HNF1B: variants seen among roughly 807,000 people sequenced by gnomAD.
HNF1B encodes the protein hepatocyte nuclear factor 1-beta.
Under a neutral mutation model 61.7 loss-of-function variants are expected in HNF1B, and 8 were observed. The observed-to-expected ratio is 0.13, with a 90% confidence interval of 0.08 to 0.23. The LOEUF is 0.23. HNF1B is among the 10% of genes least tolerant of loss of function. The pLI, the probability that HNF1B is intolerant of heterozygous loss-of-function variation, is 1.00. For synonymous variants in HNF1B, 314 were observed against 287.7 expected (o/e 1.09, Z -0.93); for missense variants, 562 against 714.5 (o/e 0.79, Z 2.43).
chr17:37,711,895 G>A (rs564452212), intron 4 of HNF1B, among the ~76,000 whole-genome samples: 1 of 152,202 alleles, frequency 6.6e-6, no homozygotes, highest in East Asian at 1.9e-4. Context: ...CCTAGCTAGA[G>A]CCCCACCTTC....
At chr17:37,723,453 T>C (rs995711750) in intron 4 of HNF1B, among the ~76,000 whole-genome samples, 2 of 152,210 alleles carry the variant, frequency 1.3e-5, no homozygotes, top group African/African-American at 4.8e-5. Context: ...TCCTGCTACA[T>C]GGTCATGACC....
At chr17:37,720,856 G>A in intron 4 of HNF1B, 1 of 985,272 alleles carries the variant, frequency 1.0e-6, no homozygotes, top group Non-Finnish European at 1.2e-6. Context: ...TTTACAGGTA[G>A]GGATGCAAAC....
intron 4 of HNF1B, among the ~76,000 whole-genome samples, chr17:37,724,969 A>T (rs1429135347): frequency 6.6e-6 from 1 of 151,122 alleles, no homozygotes; most frequent in Non-Finnish European, 1.5e-5. Flanking sequence ...ATGTATGTAT[A>T]TTTCTCTCTC....
Position 37,739,477 on chromosome 17 carries a change from G to A in HNF1B, c.507C>T (p.Tyr169=), listed in dbSNP as rs751900987. Residue 169 remains tyrosine, a synonymous_variant, in exon 2 of 9, where the codon TAC becomes TAT. Coordinates refer to ENST00000617811, the MANE Select transcript of HNF1B (RefSeq NM_000458.4). ...CTCGTTGCTTTCTGACGTACCAGGT[G>A]TACAGAGCGGCACGCTTCTGGGTCT... ...PMKTQKRAAL[Y]TWYVRKQREI... is the part of the protein sequence containing the mutation. 1.2e-6 allele frequency: 2 copies of A among 1,614,166 alleles called. No individual in the cohort carries two copies. The highest frequency in any genetic ancestry group is 1.1e-5 in the South Asian group (1 of 91,084).
chr17:37,708,974 A>T (rs960048367), intron 5 of HNF1B, among the ~76,000 whole-genome samples: 1 of 152,026 alleles, frequency 6.6e-6, no homozygotes, highest in East Asian at 1.9e-4. Context: ...ACACGTCAAG[A>T]TCTAAAATGG....
At position 37,733,632 on chromosome 17, in the gene HNF1B, A is replaced by G; in HGVS notation, c.734T>C (p.Ile245Thr). 6.2e-7 allele frequency: 1 copy of G among 1,613,788 alleles called. No individual in the cohort carries two copies. Among genetic ancestry groups the G allele is most frequent in the Non-Finnish European group, 8.5e-7 (1 of 1,180,004 alleles). Reference sequence around the variant, plus strand: ...TTGCCGATCGTAGGCCTGGTACAAGATTTGCTGGGACGCGGGCCCCCATTT... The same window carrying G: ...TTGCCGATCGTAGGCCTGGTACAAGGTTTGCTGGGACGCGGGCCCCCATTT... ...RFKWGPASQQ[I>T]LYQAYDRQKN... The change falls in exon 3 of 9, where the codon ATC becomes ACC. Residue 245 changes from isoleucine to threonine, a missense_variant. Physicochemically the swap from Ile to Thr is moderately conservative, Grantham distance 89. This residue lies in a region of HNF1B where 54 missense variants were observed against 122.1 expected (regional missense o/e 0.44). Coordinates refer to ENST00000617811, the MANE Select transcript of HNF1B (RefSeq NM_000458.4).
Position 37,710,673 on chromosome 17 carries a change from A to G in HNF1B, c.1046-10T>C. 6.2e-7 allele frequency: 1 copy of G among 1,612,596 alleles called. No individual in the cohort carries two copies. Among genetic ancestry groups the G allele is most frequent in the Non-Finnish European group, 8.5e-7 (1 of 1,179,066 alleles). On this transcript the variant is annotated splice_polypyrimidine_tract_variant and intron_variant, in intron 4 of 8. Coordinates refer to ENST00000617811, the MANE Select transcript of HNF1B (RefSeq NM_000458.4). ...TGGCTGTAGCGCACTCCTGCAAAAC[A>G]ACACAAACCCAGTAGGGAACATTAG...
intron 4 of HNF1B, among the ~76,000 whole-genome samples, chr17:37,721,808 C>T (rs77795782): frequency 3.9e-4 from 59 of 151,344 alleles, no homozygotes; most frequent in African/African-American, 1.4e-3. Flanking sequence ...CTTAATTTAT[C>T]TCAAGGTGTT....
intron 4 of HNF1B, among the ~76,000 whole-genome samples, chr17:37,719,161 G>T (rs962655384): frequency 2.6e-5 from 4 of 151,862 alleles, no homozygotes; most frequent in Admixed American, 2.6e-4. Context: ...AGATGGGGGG[G>T]TCTATGTTGC....
intron 2 of HNF1B, among the ~76,000 whole-genome samples, chr17:37,735,277 C>T (rs181457671): frequency 3.4e-3 from 519 of 152,314 alleles, no homozygotes; most frequent in Non-Finnish European, 5.8e-3. Context: ...TGAATCCCCT[C>T]TACAACCCCA....
chr17:37,694,941 C>A (rs1598800774), intron 8 of HNF1B, among the ~76,000 whole-genome samples: 1 of 152,338 alleles, frequency 6.6e-6, no homozygotes, highest in East Asian at 1.9e-4. Flanking sequence ...GGAAAATTTG[C>A]AGCCTAACCC....
intron 2 of HNF1B, among the ~76,000 whole-genome samples, chr17:37,736,153 C>A (rs1308244328): frequency 6.6e-6 from 1 of 152,188 alleles, no homozygotes; most frequent in Non-Finnish European, 1.5e-5. Flanking sequence ...GAGGGGAAAT[C>A]CAAGGGGGAG....
At chr17:37,738,219 T>TGGAAAGGTCTCTCGCTCTAAGCAGCA (rs775146184) in intron 2 of HNF1B, among the ~76,000 whole-genome samples, 543 of 152,360 alleles carry the variant, frequency 3.6e-3, no homozygotes, top group Non-Finnish European at 6.1e-3. Context: ...AACCCATTCT[T>TGGAAAGGTCTCTCGCTCTAAGCAGCA]GGAAAGGTCT....
rs1016646262 is a variant in HNF1B, at chr17:37,744,591, G to C, written c.294C>G (p.Leu98=). 3.1e-6 allele frequency: 5 copies of C among 1,608,032 alleles called. No homozygotes were observed. The East Asian group carries it at 1.1e-4, about 36-fold the overall frequency. Residue 98 remains leucine (L), a synonymous_variant, in exon 1 of 9, where the codon CTC becomes CTG. Coordinates refer to ENST00000617811, the MANE Select transcript of HNF1B (RefSeq NM_000458.4). ...TPPILKELQA[L]NTEEAAEQRA... is the part of the protein sequence containing the mutation. ...GCTGCTCCGCCGCCTCCTCGGTGTTGAGCGCCTGCAGCTCCTTGAGGATGG... is the reference window on the plus strand; with the variant it reads ...GCTGCTCCGCCGCCTCCTCGGTGTTCAGCGCCTGCAGCTCCTTGAGGATGG...
intron 6 of HNF1B, among the ~76,000 whole-genome samples, chr17:37,701,996 G>T (rs914776289): frequency 1.3e-5 from 2 of 152,150 alleles, no homozygotes; most frequent in Non-Finnish European, 2.9e-5. Flanking sequence ...CTGAGGATTG[G>T]ATCCCCTGGT....
chr17:37,736,209 T>C (rs1446686282), intron 2 of HNF1B, among the ~76,000 whole-genome samples: 3 of 152,188 alleles, frequency 2.0e-5, no homozygotes, highest in African/African-American at 4.8e-5. Flanking sequence ...GTGTCTTCCC[T>C]CCTCCCCGTG....
chr17:37,713,531 G>A (rs551881099), intron 4 of HNF1B, among the ~76,000 whole-genome samples: 3 of 152,126 alleles, frequency 2.0e-5, no homozygotes, highest in South Asian at 2.1e-4. Flanking sequence ...GAAATATAAC[G>A]GTGGAGCTGC....
At chr17:37,728,369 T>C (rs1214107796) in intron 4 of HNF1B, among the ~76,000 whole-genome samples, 5 of 149,446 alleles carry the variant, frequency 3.3e-5, no homozygotes, top group East Asian at 2.0e-4. Flanking sequence ...TGCAGTGGCG[T>C]GATCTCTGCT....
chr17:37,703,678 G>T (rs2189301), intron 6 of HNF1B, among the ~76,000 whole-genome samples: 1 of 152,086 alleles, frequency 6.6e-6, no homozygotes, highest in Admixed American at 6.5e-5. Context: ...CATTTATATT[G>T]TGAGTTCTCT....
Sources: gnomAD v4.1 joint callset for allele counts (sites outside exome capture counted in the v4.1 genomes callset) on GRCh38, gnomAD v4.1.1 for gene constraint, gnomAD v4.1.1 regional missense constraint, MANE v1.5 for transcripts, NCBI Gene and HGNC (gene_info 2026-07-23, HGNC 2026-07-21) for gene names.